CCSER1: variants seen among roughly 807,000 people sequenced by gnomAD.
CCSER1 encodes serine-rich coiled-coil domain-containing protein 1.
In CCSER1, 41 loss-of-function variants were observed where a neutral mutation model predicts 82.0. The ratio of observed to expected loss-of-function variants is 0.50; its 90% CI spans 0.39 to 0.65. The LOEUF is 0.65. CCSER1 is among the 30% of genes least tolerant of loss of function. The pLI is 0.00. For synonymous variants in CCSER1, 414 were observed against 383.9 expected (o/e 1.08, Z -0.92); for missense variants, 1,119 against 1,064.2 (o/e 1.05, Z -0.72).
chr4:91,546,677 A>T (rs1761907977), intron 10 of CCSER1, among the ~76,000 whole-genome samples: 1 of 151,986 alleles, frequency 6.6e-6, no homozygotes, highest in Admixed American at 6.6e-5. Flanking sequence ...ATTTTACATA[A>T]AATCAGCTTT....
At chr4:90,244,561 G>T (rs1306268292) in intron 1 of CCSER1, among the ~76,000 whole-genome samples, 1 of 152,110 alleles carries the variant, frequency 6.6e-6, no homozygotes, top group Non-Finnish European at 1.5e-5. Context: ...GGCTGGGGAG[G>T]CCTCAGGAAA....
intron 10 of CCSER1, among the ~76,000 whole-genome samples, chr4:91,594,316 T>G (rs1764418228): frequency 6.7e-6 from 1 of 149,534 alleles, no homozygotes; most frequent in Non-Finnish European, 1.5e-5. Flanking sequence ...TATATGTGTA[T>G]ATATACATAT....
intron 9 of CCSER1, among the ~76,000 whole-genome samples, chr4:90,961,434 C>G (rs1377724649): frequency 2.0e-5 from 3 of 152,084 alleles, no homozygotes; most frequent in African/African-American, 7.2e-5. Flanking sequence ...TGAATCTGAT[C>G]TTGTAGGTAC....
rs1746446250 is a variant in CCSER1, at chr4:90,239,541, A to G, written c.-41-68703A>G. ...ATTAGAGGCAGAGTCTCACTCTGTC[A>G]CTTAGGCTGGAGAGCAGTGGTACAA... On this transcript the variant is annotated intron_variant, in intron 1 of 10. Coordinates refer to ENST00000509176, the MANE Select transcript of CCSER1 (RefSeq NM_001145065.2). Among the ~76,000 whole-genome samples, 3 of 152,206 alleles carry G rather than the reference A, an allele frequency of 2.0e-5. No homozygotes were observed. The South Asian group carries it at 6.2e-4, about 31-fold the overall frequency.
chr4:90,810,675 CAA>C (rs1470490554), intron 7 of CCSER1, among the ~76,000 whole-genome samples: 6 of 151,996 alleles, frequency 3.9e-5, no homozygotes, highest in African/African-American at 1.4e-4. Context: ...ACAACAACAA[CAA>C]CAACCAAAAC....
intron 10 of CCSER1, among the ~76,000 whole-genome samples, chr4:91,521,591 A>G (rs1186747962): frequency 6.6e-6 from 1 of 152,170 alleles, no homozygotes; most frequent in Non-Finnish European, 1.5e-5. Flanking sequence ...GCAAGATGGT[A>G]TCTCATTGTG....
intron 9 of CCSER1, among the ~76,000 whole-genome samples, chr4:90,942,156 C>T (rs1199129453): frequency 6.6e-6 from 1 of 151,942 alleles, no homozygotes; most frequent in East Asian, 1.9e-4. Context: ...CACCATGTTG[C>T]CCAGGCTGGT....
intron 8 of CCSER1, among the ~76,000 whole-genome samples, chr4:90,871,200 T>A (rs1766457621): frequency 6.6e-6 from 1 of 151,844 alleles, no homozygotes; most frequent in Non-Finnish European, 1.5e-5. Context: ...CTGTTCTTTA[T>A]TAATTTCTTC....
chr4:91,202,413 A>T (rs1159970178), intron 10 of CCSER1, among the ~76,000 whole-genome samples: 3 of 151,946 alleles, frequency 2.0e-5, no homozygotes, highest in Non-Finnish European at 4.4e-5. Flanking sequence ...GAAGCTAGGA[A>T]ATGTAGTCTT....
At chr4:90,896,665 C>T (rs1444498654) in intron 8 of CCSER1, among the ~76,000 whole-genome samples, 2 of 151,688 alleles carry the variant, frequency 1.3e-5, no homozygotes, top group Non-Finnish European at 2.9e-5. Context: ...AAATATAAAT[C>T]CAATACTGGG....
chr4:91,262,763 T>A (rs1273579699), intron 10 of CCSER1, among the ~76,000 whole-genome samples: 4 of 151,962 alleles, frequency 2.6e-5, no homozygotes, highest in African/African-American at 9.7e-5. Context: ...AGGAGATAAT[T>A]TTCAAAAATA....
In CCSER1 at chr4:91,452,903, T is replaced by G. The variant is rs145754599; in HGVS notation, c.2218-145669T>G. ...TTATGGAAAATAAGATCACTAAACC[T>G]TGGTAACTGTTGCCGAATGGCAGTA... On this transcript the variant is annotated intron_variant, in intron 10 of 10. Coordinates refer to ENST00000509176, the MANE Select transcript of CCSER1 (RefSeq NM_001145065.2). Among the ~76,000 whole-genome samples the G allele has an allele frequency of 6.7e-3, 1,023 of 152,218 alleles. 4 individuals carry two copies. The highest frequency in any genetic ancestry group is 0.02 in the Middle Eastern group (6 of 294).
intron 10 of CCSER1, among the ~76,000 whole-genome samples, chr4:91,180,544 C>A (rs569824213): frequency 7.4e-4 from 112 of 152,332 alleles, no homozygotes; most frequent in African/African-American, 2.5e-3. Context: ...TGCTGCCTTG[C>A]AGTTTGACCT....
At chr4:90,582,831 C>T (rs752821507) in intron 5 of CCSER1, among the ~76,000 whole-genome samples, 1 of 152,088 alleles carries the variant, frequency 6.6e-6, no homozygotes, top group Non-Finnish European at 1.5e-5. Context: ...GATCCAATTA[C>T]CTGACTAATT....
chr4:91,225,276 TTTATATATGTAATATATATGTATATATA>T (rs70965477), intron 10 of CCSER1, among the ~76,000 whole-genome samples: 36,789 of 94,118 alleles, frequency 0.39, 15,105 homozygotes, highest in East Asian at 0.67. Flanking sequence ...TTATATACAT[TTTATATATGTAATATATATGTATATATA>T]TTATATATGT....
chr4:90,378,063 G>A (rs933241068), intron 3 of CCSER1, among the ~76,000 whole-genome samples: 1 of 152,114 alleles, frequency 6.6e-6, no homozygotes, highest in Admixed American at 6.6e-5. Flanking sequence ...CATTTGGCAA[G>A]TATTTATGGA....
At chr4:90,488,009 C>A (rs571817558) in intron 5 of CCSER1, among the ~76,000 whole-genome samples, 1 of 152,142 alleles carries the variant, frequency 6.6e-6, no homozygotes, top group African/African-American at 2.4e-5. Context: ...ATAAGGATTG[C>A]CATTTGAACA....
intron 5 of CCSER1, among the ~76,000 whole-genome samples, chr4:90,621,597 A>G (rs1232342836): frequency 6.6e-6 from 1 of 152,074 alleles, no homozygotes; most frequent in Non-Finnish European, 1.5e-5. Context: ...GCTAATTTCA[A>G]TATATGGGTC....
intron 10 of CCSER1, among the ~76,000 whole-genome samples, chr4:91,361,213 A>G (rs1032151281): frequency 6.6e-6 from 1 of 151,840 alleles, no homozygotes; most frequent in Admixed American, 6.6e-5. Context: ...ACAGAAACAT[A>G]TATTAAGGTA....
Sources: allele counts gnomAD v4.1 joint callset (sites outside exome capture counted in the v4.1 genomes callset), GRCh38; gene constraint gnomAD v4.1.1; transcripts MANE v1.5; gene names NCBI Gene and HGNC (gene_info 2026-07-23, HGNC 2026-07-21).